Variants in PRKCA observed in about 807,000 individuals in gnomAD.
PRKCA encodes the protein protein kinase C alpha.
A neutral mutation model predicts 87.0 loss-of-function variants in PRKCA; 27 were observed. That is an observed-to-expected ratio of 0.31 (90% CI 0.23 to 0.43). The LOEUF (loss-of-function observed/expected upper bound fraction) is 0.43. Ranked by LOEUF, PRKCA falls within the 20% of genes least tolerant of loss-of-function variation. PRKCA has a pLI of 1.00. For synonymous variants in PRKCA, 329 were observed against 311.1 expected (o/e 1.06, Z -0.61); for missense variants, 518 against 852.3 (o/e 0.61, Z 4.88).
At chr17:66,723,193 A>G (rs911209000) in intron 8 of PRKCA, among the ~76,000 whole-genome samples, 1 of 152,238 alleles carries the variant, frequency 6.6e-6, no homozygotes, top group African/African-American at 2.4e-5. Context: ...GTTAGCCCAC[A>G]GAACTCTAGC....
chr17:66,558,229 CA>C (rs1303236550), intron 3 of PRKCA, among the ~76,000 whole-genome samples: 1 of 152,234 alleles, frequency 6.6e-6, no homozygotes, highest in African/African-American at 2.4e-5. Flanking sequence ...AGGTACTGTG[CA>C]GACACCGAAG....
chr17:66,312,692 C>T (rs558787923), intron 2 of PRKCA, among the ~76,000 whole-genome samples: 3 of 151,278 alleles, frequency 2.0e-5, no homozygotes, highest in Admixed American at 6.6e-5. Context: ...TCTGGTCTTT[C>T]CCAATTGTCC....
intron 2 of PRKCA, among the ~76,000 whole-genome samples, chr17:66,373,304 C>T (rs368917752): frequency 1.3e-5 from 2 of 148,176 alleles, no homozygotes; most frequent in African/African-American, 5.3e-5. Flanking sequence ...ATTTAATCCT[C>T]CCGTAAACCT....
chr17:66,314,927 A>G (rs201548580), intron 2 of PRKCA, among the ~76,000 whole-genome samples: 1 of 127,250 alleles, frequency 7.9e-6, no homozygotes, highest in African/African-American at 2.6e-5. Context: ...ATATGTGTGT[A>G]TATATATGTG....
At chr17:66,480,479 C>T (rs912402096) in intron 2 of PRKCA, among the ~76,000 whole-genome samples, 4 of 152,168 alleles carry the variant, frequency 2.6e-5, no homozygotes, top group African/African-American at 4.8e-5. Flanking sequence ...GGCTTTGTCG[C>T]AAAAGCTCAC....
At chr17:66,441,993 T>G (rs1414505227) in intron 2 of PRKCA, among the ~76,000 whole-genome samples, 1 of 151,938 alleles carries the variant, frequency 6.6e-6, no homozygotes, top group Non-Finnish European at 1.5e-5. Context: ...AGTTTGGCTT[T>G]AGGGCCCCAA....
At chr17:66,456,149 T>A (rs1007635221) in intron 2 of PRKCA, among the ~76,000 whole-genome samples, 1 of 151,882 alleles carries the variant, frequency 6.6e-6, no homozygotes, top group South Asian at 2.1e-4. Context: ...GAGTGAAAGA[T>A]GAGGAACAGA....
At chr17:66,782,844 T>C (rs1168705723) in intron 14 of PRKCA, among the ~76,000 whole-genome samples, 3 of 152,182 alleles carry the variant, frequency 2.0e-5, no homozygotes, top group Non-Finnish European at 2.9e-5. Flanking sequence ...TTGCTCATAA[T>C]GGCTAAGAGC....
chr17:66,585,043 G>A (rs999133746), intron 3 of PRKCA, among the ~76,000 whole-genome samples: 3 of 147,018 alleles, frequency 2.0e-5, no homozygotes, highest in African/African-American at 7.7e-5. Flanking sequence ...GAGTCTTCCA[G>A]TTCCATGGTG....
rs561581580 is a variant in PRKCA at position 66,656,030 on chromosome 17, T to A, written c.529+10519T>A. ...ACTTGCAGCATGCCATCCCACAGATTGTTATTCATGCTTGGTTCTCTGTGC... is the reference window on the plus strand; with the variant it reads ...ACTTGCAGCATGCCATCCCACAGATAGTTATTCATGCTTGGTTCTCTGTGC... On this transcript the variant is annotated intron_variant, in intron 5 of 16. Coordinates refer to ENST00000413366, the MANE Select transcript of PRKCA (RefSeq NM_002737.3). Among the ~76,000 whole-genome samples, 150 of 152,248 alleles carry A rather than the reference T, an allele frequency of 9.9e-4. 2 individuals carry two copies. Among genetic ancestry groups the A allele is most frequent in the African/African-American group, 3.5e-3 (147 of 41,564 alleles).
At chr17:66,687,978 C>T (rs1424515497) in intron 6 of PRKCA, among the ~76,000 whole-genome samples, 1 of 152,116 alleles carries the variant, frequency 6.6e-6, no homozygotes, top group Non-Finnish European at 1.5e-5. Context: ...TATTTTAGGC[C>T]TTGTGGGTCA....
intron 3 of PRKCA, among the ~76,000 whole-genome samples, chr17:66,546,874 C>G (rs1200875374): frequency 6.6e-6 from 1 of 152,110 alleles, no homozygotes; most frequent in Non-Finnish European, 1.5e-5. Context: ...GTCTACTTTC[C>G]AACAATATTA....
intron 2 of PRKCA, among the ~76,000 whole-genome samples, chr17:66,421,508 TTCTTTCTTC>T (rs1349741311): frequency 9.0e-5 from 2 of 22,174 alleles, no homozygotes; most frequent in Non-Finnish European, 1.1e-4. Context: ...ATTTTCTTTC[TTCTTTCTTC>T]TCTTCTCTTC....
rs113441521 is a variant in PRKCA, at chr17:66,330,450, C to G, written c.205+24323C>G. Among the ~76,000 whole-genome samples, 1,269 of 152,220 alleles carry G rather than the reference C, an allele frequency of 8.3e-3. 7 individuals are homozygous for G. Among genetic ancestry groups the G allele is most frequent in the Middle Eastern group, 0.02 (6 of 294 alleles). On this transcript the variant is annotated intron_variant, in intron 2 of 16. Transcript: ENST00000413366. ...ATGTGACTCAGGGAGGTACCAAACCCAACTGTTGCCCCCTTTCCTTTATTT... is the reference window on the plus strand; with the variant it reads ...ATGTGACTCAGGGAGGTACCAAACCGAACTGTTGCCCCCTTTCCTTTATTT...
intron 2 of PRKCA, among the ~76,000 whole-genome samples, chr17:66,310,634 T>C (rs1377776473): frequency 6.6e-6 from 1 of 152,204 alleles, no homozygotes; most frequent in African/African-American, 2.4e-5. Flanking sequence ...TGGTGATTTC[T>C]ATTCCTTCTG....
At chr17:66,303,814 CA>C (rs1567762326) in intron 1 of PRKCA, among the ~76,000 whole-genome samples, 1 of 151,936 alleles carries the variant, frequency 6.6e-6, no homozygotes, top group African/African-American at 2.4e-5. Flanking sequence ...ACCAGCCTGG[CA>C]AACATGGTGA....
intron 8 of PRKCA, 133 bp from the exon 9 acceptor site, chr17:66,732,555 C>G: frequency 1.8e-6 from 2 of 1,106,782 alleles, no homozygotes; most frequent in South Asian, 2.6e-5. Context: ...GTACTCAATT[C>G]TCACCCTTTG....
chr17:66,784,435 T>A lies in PRKCA; in HGVS notation c.1606-2432T>A, dbSNP rs188929388. Among the ~76,000 whole-genome samples the A allele has an allele frequency of 2.7e-3, 412 of 152,150 alleles. 1 individual carries two copies. Among genetic ancestry groups the A allele is most frequent in the African/African-American group, 9.5e-3 (395 of 41,534 alleles). On this transcript the variant is annotated intron_variant, in intron 14 of 16. Coordinates refer to ENST00000413366, the MANE Select transcript of PRKCA (RefSeq NM_002737.3). ...TAATTTTTTGTGTTTTTAGTAGAGA[T>A]GAAGTTTCGCTGTGTTGGCCAGGCT...
Position 66,688,289 on chromosome 17 carries a change from G to A in PRKCA, c.687-13G>A. 6.2e-7 allele frequency: 1 copy of A among 1,613,754 alleles called. No individual in the cohort carries two copies. The highest frequency in any genetic ancestry group is 8.5e-7 in the Non-Finnish European group (1 of 1,179,914). Reference sequence around the variant, plus strand: ...AAGATAACCTAGTGTTTGCATGTGTGTGTGTCTTGTAGCAAATTGAAACCT... The same window carrying A: ...AAGATAACCTAGTGTTTGCATGTGTATGTGTCTTGTAGCAAATTGAAACCT... On this transcript the variant is annotated splice_polypyrimidine_tract_variant and intron_variant, in intron 6 of 16. Transcript: ENST00000413366.
Sources: allele counts gnomAD v4.1 joint callset (sites outside exome capture counted in the v4.1 genomes callset), GRCh38; gene constraint gnomAD v4.1.1; transcripts MANE v1.5; gene names NCBI Gene and HGNC (gene_info 2026-07-23, HGNC 2026-07-21).